The following ARHGAP26 variants were observed in gnomAD, a reference collection of about 807,000 sequenced individuals.
The protein encoded by ARHGAP26 is rho GTPase-activating protein 26.
ARHGAP26 carries 38 observed loss-of-function variants against 104.8 expected under a neutral mutation model. That is an observed-to-expected ratio of 0.36 (90% CI 0.28 to 0.48). The LOEUF (loss-of-function observed/expected upper bound fraction) is 0.48, where lower values mean the gene tolerates loss of function less well. Ranked by LOEUF, ARHGAP26 falls within the 20% of genes least tolerant of loss-of-function variation. ARHGAP26 has a pLI of 0.99. For synonymous variants in ARHGAP26, 341 were observed against 340.0 expected, an observed-to-expected ratio of 1.00 and a Z score of -0.03; for missense variants, 704 against 947.9, an observed-to-expected ratio of 0.74 and a Z score of 3.38.
intron 22 of ARHGAP26, among the ~76,000 whole-genome samples, chr5:143,221,589 C>G (rs1212678871): frequency 6.6e-6 from 1 of 152,184 alleles, no homozygotes; most frequent in African/African-American, 2.4e-5. Context: ...TCACGGCTCA[C>G]TGCAGCCTCG....
intron 1 of ARHGAP26, among the ~76,000 whole-genome samples, chr5:142,780,190 C>T (rs2151842355): frequency 6.6e-6 from 1 of 152,332 alleles, no homozygotes; most frequent in Middle Eastern, 3.4e-3. Context: ...AGAGCTCACT[C>T]ATTGTTAGAT....
At chr5:143,102,946 A>G (rs1793466667) in intron 17 of ARHGAP26, among the ~76,000 whole-genome samples, 1 of 152,042 alleles carries the variant, frequency 6.6e-6, no homozygotes, top group Non-Finnish European at 1.5e-5. Flanking sequence ...AAACGTTTAT[A>G]TAATGCCTCC....
intron 20 of ARHGAP26, among the ~76,000 whole-genome samples, chr5:143,158,150 A>G (rs570102225): frequency 6.6e-6 from 1 of 152,176 alleles, no homozygotes; most frequent in African/African-American, 2.4e-5. Context: ...ACAAACCCCT[A>G]GTGTTGATTT....
chr5:143,187,784 C>A (rs1805358983), intron 20 of ARHGAP26, among the ~76,000 whole-genome samples: 1 of 152,190 alleles, frequency 6.6e-6, no homozygotes, highest in South Asian at 2.1e-4. Flanking sequence ...GGGGAGTGTC[C>A]AGCCCTACCT....
chr5:142,997,638 A>G (rs1019338267), intron 11 of ARHGAP26, among the ~76,000 whole-genome samples: 2 of 150,610 alleles, frequency 1.3e-5, no homozygotes, highest in Non-Finnish European at 3.0e-5. Context: ...GGCTGGTCTC[A>G]AACTCCTGAT....
intron 11 of ARHGAP26, among the ~76,000 whole-genome samples, chr5:142,949,974 G>T (rs770121948): frequency 2.6e-5 from 4 of 152,218 alleles, no homozygotes; most frequent in Non-Finnish European, 4.4e-5. Context: ...AGGTTGCTTT[G>T]TTCTTAATAT....
intron 14 of ARHGAP26, among the ~76,000 whole-genome samples, chr5:143,052,459 ACT>A (rs1226649101): frequency 1.3e-5 from 2 of 150,324 alleles, no homozygotes; most frequent in African/African-American, 2.5e-5. Context: ...ACAGAGTGAG[ACT>A]CTGTCTGAAA....
chr5:142,776,366 C>T (rs541275156), intron 1 of ARHGAP26, among the ~76,000 whole-genome samples: 5 of 152,296 alleles, frequency 3.3e-5, no homozygotes, highest in South Asian at 2.1e-4. Context: ...TTTAGCACCC[C>T]GAAAAGCTTT....
At chr5:142,982,476 A>G (rs1197727063) in intron 11 of ARHGAP26, among the ~76,000 whole-genome samples, 1 of 152,106 alleles carries the variant, frequency 6.6e-6, no homozygotes, top group Non-Finnish European at 1.5e-5. Context: ...GGACTTTACT[A>G]AACAGGAAGG....
chr5:142,932,085 A>G lies in ARHGAP26; in HGVS notation c.1067A>G (p.Asp356Gly). The change falls in exon 11 of 23, where the codon GAC becomes GGC. Residue 356 changes from aspartate to glycine, a missense_variant. Around this residue, in one of 6 missense-constraint regions of ARHGAP26, gnomAD observed 287 missense variants for 438.8 expected, o/e 0.65. Coordinates refer to ENST00000645722, the MANE Select transcript of ARHGAP26 (RefSeq NM_001135608.3). The part of the protein sequence containing the change: ...VITMQALSEE[D>G]RRLWMEAMDG... The stretch of plus-strand genomic sequence containing the variant: ...ACCATGCAAGCTTTGTCGGAAGAGG[A>G]CCGGAGGCTCTGGATGGAAGCCATG... 1 of 1,614,068 alleles carries G rather than the reference A, an allele frequency of 6.2e-7. No individual in the cohort carries two copies. Among genetic ancestry groups the G allele is most frequent in the South Asian group, 1.1e-5 (1 of 91,074 alleles).
At chr5:142,999,949 A>T (rs1776968171) in intron 11 of ARHGAP26, among the ~76,000 whole-genome samples, 1 of 152,206 alleles carries the variant, frequency 6.6e-6, no homozygotes, top group Non-Finnish European at 1.5e-5. Context: ...TAACTAAAAG[A>T]CAGAAAAAAG....
intron 11 of ARHGAP26, among the ~76,000 whole-genome samples, chr5:142,971,980 G>A (rs972886127): frequency 1.3e-5 from 2 of 152,090 alleles, no homozygotes; most frequent in South Asian, 2.1e-4. Flanking sequence ...TCAGGAGTCC[G>A]AGACCAGCCT....
chr5:143,160,905 C>T (rs2151063343), intron 20 of ARHGAP26, among the ~76,000 whole-genome samples: 1 of 152,212 alleles, frequency 6.6e-6, no homozygotes, highest in South Asian at 2.1e-4. Context: ...TAAGTGGTAA[C>T]TGTTGGCACA....
At chr5:143,111,548 C>G (rs1451296435) in intron 17 of ARHGAP26, among the ~76,000 whole-genome samples, 1 of 152,204 alleles carries the variant, frequency 6.6e-6, no homozygotes, top group Non-Finnish European at 1.5e-5. Context: ...AGTAAGTTCT[C>G]AGCTCATGTT....
intron 11 of ARHGAP26, 93 bp from the exon 12 acceptor site, chr5:143,013,987 A>G (rs1186171540): frequency 7.0e-6 from 9 of 1,290,322 alleles, no homozygotes; most frequent in Non-Finnish European, 8.9e-6. Context: ...CATGGTGCAA[A>G]CTAGGGAAAG....
intron 11 of ARHGAP26, among the ~76,000 whole-genome samples, chr5:142,953,918 G>A (rs373459498): frequency 6.6e-6 from 1 of 152,124 alleles, no homozygotes; most frequent in Non-Finnish European, 1.5e-5. Flanking sequence ...TTGGGGTGGG[G>A]TGCTAGAACC....
intron 17 of ARHGAP26, among the ~76,000 whole-genome samples, chr5:143,097,542 C>T (rs539395687): frequency 2.6e-5 from 4 of 151,952 alleles, no homozygotes; most frequent in Non-Finnish European, 4.4e-5. Flanking sequence ...ATGCAATGGC[C>T]GGGCGCGGTG....
rs533412559 is a variant in ARHGAP26, at chr5:143,061,223, T to G, written c.1538+3476T>G. On this transcript the variant is annotated intron_variant, in intron 17 of 22. Coordinates refer to ENST00000645722, the MANE Select transcript of ARHGAP26 (RefSeq NM_001135608.3). ...CTCTTCCAATTGTATAATTCTGTTA[T>G]TTTTATCAGGTGGAGCAGGACACGA... Among the ~76,000 whole-genome samples the G allele has an allele frequency of 1.4e-4, 22 of 152,344 alleles. No individual in the cohort carries two copies. The South Asian group carries it at 3.9e-3, about 27-fold the overall frequency.
intron 20 of ARHGAP26, among the ~76,000 whole-genome samples, chr5:143,160,060 C>CTTTTTTTTT (rs200678768): frequency 7.5e-6 from 1 of 133,986 alleles, no homozygotes; most frequent in Non-Finnish European, 1.6e-5. Context: ...AAAGATTTTT[C>CTTTTTTTTT]TTTTTTTTTT....
Sources: allele counts gnomAD v4.1 joint callset (sites outside exome capture counted in the v4.1 genomes callset), GRCh38; gene constraint gnomAD v4.1.1; regional missense constraint gnomAD v4.1.1; transcripts MANE v1.5; gene names NCBI Gene and HGNC (gene_info 2026-07-23, HGNC 2026-07-21).